DENND5A: variants seen among roughly 807,000 people sequenced by gnomAD.
DENND5A encodes the protein DENN domain containing 5A, also known as DENN domain-containing protein 5A.
Under a neutral mutation model 140.3 loss-of-function variants are expected in DENND5A, and 64 were observed. The observed-to-expected ratio is 0.46, with a 90% confidence interval of 0.37 to 0.56. The LOEUF (loss-of-function observed/expected upper bound fraction) is 0.56. Ranked by LOEUF, DENND5A falls within the 20% of genes least tolerant of loss-of-function variation. DENND5A has a pLI of 0.00. For missense variants in DENND5A, 1,292 were observed against 1,593.8 expected (o/e 0.81, Z 3.22); for synonymous variants, 605 against 607.7 (o/e 1.00, Z 0.07).
At chr11:9,238,878 A>G (rs968607272) in intron 1 of DENND5A, among the ~76,000 whole-genome samples, 10 of 142,758 alleles carry the variant, frequency 7.0e-5, no homozygotes, top group Non-Finnish European at 1.4e-4. Context: ...GTTGCCCAGG[A>G]TGGAGTGCAG....
chr11:9,256,852 T>C (rs1851967365), intron 1 of DENND5A, among the ~76,000 whole-genome samples: 1 of 152,098 alleles, frequency 6.6e-6, no homozygotes, highest in African/African-American at 2.4e-5. Context: ...TAAAAATAAA[T>C]TAAAAATCAC....
At chr11:9,162,308 G>A (rs928721253) in intron 11 of DENND5A, among the ~76,000 whole-genome samples, 41 of 136,256 alleles carry the variant, frequency 3.0e-4, no homozygotes, top group Middle Eastern at 4.3e-3. Context: ...GCACAATCTC[G>A]GCTCACTGCA....
intron 1 of DENND5A, among the ~76,000 whole-genome samples, chr11:9,208,152 G>A (rs969852590): frequency 6.6e-6 from 1 of 152,192 alleles, no homozygotes; most frequent in Non-Finnish European, 1.5e-5. Context: ...CTTAGATATT[G>A]TGAGGAATAG....
intron 1 of DENND5A, among the ~76,000 whole-genome samples, chr11:9,253,049 G>A (rs1209861972): frequency 6.6e-6 from 1 of 151,808 alleles, no homozygotes; most frequent in Non-Finnish European, 1.5e-5. Flanking sequence ...CCCGAGTCTC[G>A]CCATGTTGCC....
At chr11:9,254,015 G>C (rs936908333) in intron 1 of DENND5A, among the ~76,000 whole-genome samples, 4 of 152,048 alleles carry the variant, frequency 2.6e-5, no homozygotes, top group African/African-American at 9.7e-5. Flanking sequence ...AATTAGCCAG[G>C]CATGGTGGCG....
intron 1 of DENND5A, among the ~76,000 whole-genome samples, chr11:9,258,770 C>T (rs189705557): frequency 3.3e-5 from 5 of 152,248 alleles, no homozygotes; most frequent in African/African-American, 1.2e-4. Flanking sequence ...CCCACTTTCT[C>T]AGGGCCTCAG....
intron 20 of DENND5A, 125 bp downstream of exon 20, chr11:9,143,278 C>A (rs1847309617): frequency 1.2e-6 from 1 of 864,636 alleles, no homozygotes; most frequent in South Asian, 1.4e-5. Context: ...GAGGCACACA[C>A]TCTACAAGAC....
intron 12 of DENND5A, among the ~76,000 whole-genome samples, chr11:9,157,890 A>C (rs887417112): frequency 1.3e-5 from 2 of 152,186 alleles, no homozygotes; most frequent in African/African-American, 4.8e-5. Context: ...AGAAAGTGCA[A>C]GTTGCTTATT....
intron 1 of DENND5A, among the ~76,000 whole-genome samples, chr11:9,263,066 A>G (rs563802749): frequency 1.1e-3 from 173 of 151,906 alleles, no homozygotes; most frequent in Middle Eastern, 3.5e-3. Context: ...TTTAAAGTAA[A>G]TTAGAAACCA....
chr11:9,188,152 T>A (rs1290464859), intron 5 of DENND5A, among the ~76,000 whole-genome samples: 1 of 152,202 alleles, frequency 6.6e-6, no homozygotes. Flanking sequence ...TTTCCCATAC[T>A]GTTCTTGTGA....
intron 10 of DENND5A, among the ~76,000 whole-genome samples, chr11:9,167,139 G>A (rs1237008726): frequency 1.3e-5 from 2 of 152,074 alleles, no homozygotes; most frequent in Admixed American, 6.6e-5. Context: ...CATCAATGCA[G>A]TAAAATGCAA....
intron 7 of DENND5A, 51 bp downstream of exon 7, chr11:9,178,807 T>C (rs771678837): frequency 1.4e-5 from 20 of 1,453,762 alleles, no homozygotes; most frequent in African/African-American, 9.8e-5. Flanking sequence ...CTTCAAGACA[T>C]AACTGGCAAG....
At chr11:9,143,373 G>T in intron 20 of DENND5A, 30 bp downstream of exon 20, 1 of 1,566,954 alleles carries the variant, frequency 6.4e-7, no homozygotes, top group Non-Finnish European at 8.8e-7. Context: ...TTCAATGTAA[G>T]GCCCTGGATT....
chr11:9,206,174 T>C (rs768702513), intron 3 of DENND5A, among the ~76,000 whole-genome samples: 10 of 152,244 alleles, frequency 6.6e-5, no homozygotes, highest in Non-Finnish European at 1.5e-4. Context: ...GAATATTCAA[T>C]AAAGGTTAGC....
At chr11:9,219,000 C>T (rs1437044927) in intron 1 of DENND5A, among the ~76,000 whole-genome samples, 1 of 151,630 alleles carries the variant, frequency 6.6e-6, no homozygotes. Flanking sequence ...GAATGAAACT[C>T]CATCTCAAAA....
In DENND5A at chr11:9,150,194, G is replaced by T; in HGVS notation, c.2622C>A (p.Ile874=). ...TTCCCACATCAGTCTTGATTTCCCC[G>T]ATGTTCTGGATGTGCCTGGAGGAAG... ...LIQDMRHIQN[I]GEIKTDVGKA... The change falls in exon 15 of 23, where the codon ATC becomes ATA. Residue 874 remains isoleucine (I), a synonymous_variant. Transcript: ENST00000328194. The T allele has an allele frequency of 6.2e-7, 1 of 1,613,592 alleles. No homozygotes were observed. Among genetic ancestry groups the T allele is most frequent in the Non-Finnish European group, 8.5e-7 (1 of 1,179,716 alleles).
At chr11:9,167,077 T>C (rs1848214669) in intron 10 of DENND5A, among the ~76,000 whole-genome samples, 1 of 152,092 alleles carries the variant, frequency 6.6e-6, no homozygotes, top group South Asian at 2.1e-4. Flanking sequence ...TGCAATTATT[T>C]TGTATAATGT....
chr11:9,259,962 A>G (rs10840194), intron 1 of DENND5A, among the ~76,000 whole-genome samples: 45,138 of 146,326 alleles, frequency 0.31, 7,203 homozygotes, highest in East Asian at 0.47. Context: ...AGACAGGCAG[A>G]GGTTGCAGTG....
intron 1 of DENND5A, among the ~76,000 whole-genome samples, chr11:9,243,794 G>C (rs917064706): frequency 7.9e-5 from 12 of 152,084 alleles, no homozygotes; most frequent in African/African-American, 2.7e-4. Context: ...GCTGAGGCAG[G>C]AGAATCACTT....
Sources: allele counts gnomAD v4.1 joint callset (sites outside exome capture counted in the v4.1 genomes callset), GRCh38; gene constraint gnomAD v4.1.1; transcripts MANE v1.5; gene names NCBI Gene and HGNC (gene_info 2026-07-23, HGNC 2026-07-21).